The following ARFGAP3 variants were observed in gnomAD, a reference collection of about 807,000 sequenced individuals.
ARFGAP3 encodes ARF GTPase activating protein 3, also known as ADP-ribosylation factor GTPase-activating protein 3.
Under a neutral mutation model 75.0 loss-of-function variants are expected in ARFGAP3, and 72 were observed. The observed-to-expected ratio is 0.96, with a 90% CI of 0.79 to 1.17. ARFGAP3 has a LOEUF of 1.17. Ranked by LOEUF, ARFGAP3 falls within the 50% of genes most tolerant of loss-of-function variation. ARFGAP3 has a pLI of 0.00. For missense variants in ARFGAP3, 620 were observed against 626.6 expected, an observed-to-expected ratio of 0.99 and a Z score of 0.11; for synonymous variants, 221 against 217.9, an observed-to-expected ratio of 1.01 and a Z score of -0.13.
intron 9 of ARFGAP3, among the ~76,000 whole-genome samples, chr22:42,821,348 C>T (rs189755285): frequency 6.6e-6 from 1 of 152,322 alleles, no homozygotes; most frequent in Non-Finnish European, 1.5e-5. Context: ...TTCAGCAGTC[C>T]AAAAAGCAGG....
chr22:42,833,798 C>T (rs925279534), intron 5 of ARFGAP3, among the ~76,000 whole-genome samples: 1 of 152,290 alleles, frequency 6.6e-6, no homozygotes, highest in Middle Eastern at 3.4e-3. Flanking sequence ...CACCTGTAGT[C>T]CCAGCTACTC....
intron 3 of ARFGAP3, among the ~76,000 whole-genome samples, chr22:42,835,980 CTTTTT>C (rs545758118): frequency 7.6e-5 from 8 of 105,720 alleles, no homozygotes; most frequent in Non-Finnish European, 9.3e-5. Context: ...CCATTTCTTT[CTTTTT>C]TTTTTTTTTT....
At chr22:42,846,409 T>C (rs755193423) in intron 2 of ARFGAP3, among the ~76,000 whole-genome samples, 6 of 152,218 alleles carry the variant, frequency 3.9e-5, no homozygotes, top group Admixed American at 1.3e-4. Context: ...ACTTCACAAA[T>C]AGTCCTGCCT....
rs1925047118 is a variant in ARFGAP3 at position 42,804,785 on chromosome 22, G to A, written c.1411+2288C>T. ...CCTACCTCGGCCTCCCAAAGTGTTG[G>A]GATTACAGGTGTGAGTCACCGTGCC... On this transcript the variant is annotated intron_variant, in intron 14 of 15. Transcript: ENST00000263245. Among the ~76,000 whole-genome samples the A allele has an allele frequency of 3.3e-5, 5 of 152,110 alleles. No individual in the cohort carries two copies. In the South Asian group the frequency reaches 1.0e-3, roughly 32 times the overall value.
chr22:42,838,313 T>C (rs1310036479), intron 3 of ARFGAP3, among the ~76,000 whole-genome samples: 3 of 149,880 alleles, frequency 2.0e-5, no homozygotes, highest in Non-Finnish European at 4.4e-5. Flanking sequence ...TTTTTTTTTT[T>C]CTGAGACAGG....
chr22:42,820,063 C>CAACCAG (rs954551596), intron 9 of ARFGAP3, among the ~76,000 whole-genome samples: 1 of 152,158 alleles, frequency 6.6e-6, no homozygotes, highest in Non-Finnish European at 1.5e-5. Flanking sequence ...TTAGAAGTAA[C>CAACCAG]AACCAGACTT....
chr22:42,837,675 C>CATT (rs772450556), intron 3 of ARFGAP3, among the ~76,000 whole-genome samples: 1 of 75,662 alleles, frequency 1.3e-5, no homozygotes, highest in Admixed American at 2.5e-4. Context: ...AGGCATACTT[C>CATT]TTTTTTTTTT....
At chr22:42,838,807 A>C (rs1331299911) in intron 3 of ARFGAP3, among the ~76,000 whole-genome samples, 1 of 152,092 alleles carries the variant, frequency 6.6e-6, no homozygotes, top group East Asian at 1.9e-4. Flanking sequence ...TAAAGTTTAA[A>C]ATGTTTGAAA....
At chr22:42,816,135 AAACATTTAGACTGAATC>A (rs1925569209) in intron 11 of ARFGAP3, among the ~76,000 whole-genome samples, 1 of 152,118 alleles carries the variant, frequency 6.6e-6, no homozygotes. Context: ...AACAAACAAA[AAACATTTAGACTGAATC>A]ACATCTCTTA....
chr22:42,798,973 C>T, intron 15 of ARFGAP3, 66 bp downstream of exon 15: 1 of 1,316,542 alleles, frequency 7.6e-7, no homozygotes, highest in East Asian at 2.3e-5. Context: ...AAGATTGAAG[C>T]AGGTCTCATT....
chr22:42,835,980 C>CTTTTT (rs545758118), intron 3 of ARFGAP3, among the ~76,000 whole-genome samples: 32 of 105,716 alleles, frequency 3.0e-4, no homozygotes, highest in Non-Finnish European at 3.9e-4. Flanking sequence ...CCATTTCTTT[C>CTTTTT]TTTTTTTTTT....
At chr22:42,842,489 C>T (rs1056697911) in intron 2 of ARFGAP3, among the ~76,000 whole-genome samples, 3 of 151,314 alleles carry the variant, frequency 2.0e-5, no homozygotes, top group African/African-American at 7.3e-5. Context: ...GTTCTGTTGC[C>T]CAGGCTAGAG....
At chr22:42,856,966 C>T in intron 1 of ARFGAP3, 148 bp downstream of exon 1, 1 of 737,018 alleles carries the variant, frequency 1.4e-6, no homozygotes, top group African/African-American at 1.9e-5. Flanking sequence ...CCCGCCCCGG[C>T]CCGGCCAGGC....
Position 42,797,428 on chromosome 22 carries a change from G to A in ARFGAP3, c.*160C>T. 1.1e-6 allele frequency: 1 copy of A among 921,354 alleles called. No individual in the cohort carries two copies. Among genetic ancestry groups the A allele is most frequent in the Non-Finnish European group, 1.7e-6 (1 of 602,708 alleles). 57.1% of individuals were successfully genotyped at this position (921,354 alleles called of 1,614,324 possible). A position where few individuals can be genotyped will look rare whatever the true frequency, so the allele number is the denominator to read the frequency against. On this transcript the variant is annotated 3_prime_UTR_variant, in exon 16 of 16. Transcript: ENST00000263245. The stretch of plus-strand genomic sequence containing the variant: ...AGGAAAGCTCCTACATCAGAACTCA[G>A]AATTTCTCAAAAGAAATATTAAAAA...
intron 11 of ARFGAP3, among the ~76,000 whole-genome samples, chr22:42,816,494 G>A (rs1055534713): frequency 2.0e-5 from 3 of 152,140 alleles, no homozygotes; most frequent in Non-Finnish European, 4.4e-5. Flanking sequence ...TCACTGGGCC[G>A]AGCAGGTCCT....
chr22:42,799,211 G>A (rs753432905), intron 14 of ARFGAP3, 51 bp from the exon 15 acceptor site: 40 of 1,602,832 alleles, frequency 2.5e-5, no homozygotes, highest in Non-Finnish European at 3.2e-5. Flanking sequence ...CCACAGCTGC[G>A]GCAAACCCAG....
At chr22:42,802,035 T>C (rs748073499) in intron 14 of ARFGAP3, among the ~76,000 whole-genome samples, 7 of 151,840 alleles carry the variant, frequency 4.6e-5, no homozygotes, top group Non-Finnish European at 7.4e-5. Context: ...GAGGTGGGCA[T>C]TGGGTGGGGA....
chr22:42,812,224 C>CA (rs3046479), intron 11 of ARFGAP3, among the ~76,000 whole-genome samples: 23,571 of 56,420 alleles, frequency 0.42, 4,958 homozygotes, highest in Non-Finnish European at 0.49. Context: ...GATACTGTCT[C>CA]AAAAAAAAAA....
chr22:42,853,087 T>C (rs5758988), intron 1 of ARFGAP3, among the ~76,000 whole-genome samples: 67,159 of 152,158 alleles, frequency 0.44, 15,354 homozygotes, highest in Non-Finnish European at 0.48. Context: ...TTTAAATCAA[T>C]GAATGTTTTC....
Sources: gnomAD v4.1 joint callset for allele counts (sites outside exome capture counted in the v4.1 genomes callset) on GRCh38, gnomAD v4.1.1 for gene constraint, MANE v1.5 for transcripts, NCBI Gene and HGNC (gene_info 2026-07-23, HGNC 2026-07-21) for gene names.